The following CALN1 variants were observed in gnomAD, a reference collection of about 807,000 sequenced individuals.
CALN1 encodes the protein calneuron 1.
In CALN1, 17 loss-of-function variants were observed where a neutral mutation model predicts 30.6. The ratio of observed to expected loss-of-function variants is 0.56; its 90% CI spans 0.38 to 0.83. The LOEUF (loss-of-function observed/expected upper bound fraction) is 0.83. Among genes scored for constraint, CALN1 ranks in the 40% least tolerant of loss-of-function variants. CALN1 has a pLI of 0.00. For missense variants in CALN1, 291 were observed against 354.9 expected, an observed-to-expected ratio of 0.82 and a Z score of 1.45; for synonymous variants, 156 against 131.4, an observed-to-expected ratio of 1.19 and a Z score of -1.28.
At chr7:72,323,399 G>C (rs1437069845) in intron 2 of CALN1, among the ~76,000 whole-genome samples, 1 of 152,194 alleles carries the variant, frequency 6.6e-6, no homozygotes, top group African/African-American at 2.4e-5. Flanking sequence ...TATAGCAGTG[G>C]TGGCTGCAGC....
chr7:72,155,308 C>G (rs777530253), intron 3 of CALN1, among the ~76,000 whole-genome samples: 4 of 151,760 alleles, frequency 2.6e-5, no homozygotes, highest in African/African-American at 9.7e-5. Flanking sequence ...CTGGCTAACA[C>G]GGTGAAATCC....
intron 2 of CALN1, among the ~76,000 whole-genome samples, chr7:72,292,701 A>C (rs1212185222): frequency 6.6e-6 from 1 of 150,766 alleles, no homozygotes; most frequent in East Asian, 2.0e-4. Flanking sequence ...CATGCTTGTA[A>C]TCCCAGCTAC....
chr7:72,145,843 G>A (rs1786671133), intron 3 of CALN1, among the ~76,000 whole-genome samples: 1 of 152,164 alleles, frequency 6.6e-6, no homozygotes, highest in African/African-American at 2.4e-5. Context: ...ATGTAATCCA[G>A]CATATAAACA....
upstream of CALN1, chr7:72,412,362 T>C (rs1199935895): frequency 2.0e-5 from 3 of 152,164 alleles, no homozygotes; most frequent in East Asian, 5.8e-4. Flanking sequence ...GGGAGCCAGC[T>C]TTTATTCTCT....
chr7:71,849,926 C>T (rs1790540897), intron 5 of CALN1, among the ~76,000 whole-genome samples: 1 of 152,176 alleles, frequency 6.6e-6, no homozygotes, highest in Non-Finnish European at 1.5e-5. Flanking sequence ...AGCCATCGCA[C>T]TCAACCCGTA....
chr7:72,479,552 A>ATTTTTTTT, the CALN1 span, among the ~76,000 whole-genome samples: 9 of 130,764 alleles, frequency 6.9e-5, no homozygotes, highest in African/African-American at 1.4e-4. Context: ...TTATAGCACA[A>ATTTTTTTT]TTTTTTTTTT....
intron 3 of CALN1, among the ~76,000 whole-genome samples, chr7:72,151,021 C>G (rs917242936): frequency 6.6e-6 from 1 of 152,108 alleles, no homozygotes; most frequent in African/African-American, 2.4e-5. Context: ...ACACTGCCTT[C>G]CCGTCCTTGC....
At chr7:72,425,839 G>A (rs778342811) in intron 1 of CALN1, among the ~76,000 whole-genome samples, 9 of 152,272 alleles carry the variant, frequency 5.9e-5, no homozygotes, top group South Asian at 2.1e-4. Context: ...AGAGTCCCAC[G>A]TCTAAGCTGC....
At chr7:72,417,584 GTGTTTGAA>G (rs1807462905) in intron 1 of CALN1, among the ~76,000 whole-genome samples, 1 of 152,190 alleles carries the variant, frequency 6.6e-6, no homozygotes, top group Non-Finnish European at 1.5e-5. Flanking sequence ...CATGCATTGT[GTGTTTGAA>G]TGTATTCATT....
intron 5 of CALN1, among the ~76,000 whole-genome samples, chr7:71,871,082 C>T (rs1047318375): frequency 1.3e-5 from 2 of 152,024 alleles, no homozygotes; most frequent in African/African-American, 2.4e-5. Context: ...AGCAAAATTG[C>T]AGGGAGGCAG....
At chr7:71,943,551 G>A (rs575762084) in intron 5 of CALN1, among the ~76,000 whole-genome samples, 19 of 147,604 alleles carry the variant, frequency 1.3e-4, no homozygotes, top group African/African-American at 4.4e-4. Context: ...AGTCATTCTC[G>A]TGCCTCAGCC....
chr7:71,843,521 G>C (rs914483464), intron 5 of CALN1, among the ~76,000 whole-genome samples: 2 of 152,236 alleles, frequency 1.3e-5, no homozygotes, highest in South Asian at 4.1e-4. Flanking sequence ...TACTTGAAAG[G>C]CTGCAGCAGG....
chr7:72,181,555 T>C (rs2129546153), intron 3 of CALN1, among the ~76,000 whole-genome samples: 1 of 151,910 alleles, frequency 6.6e-6, no homozygotes, highest in Admixed American at 6.6e-5. Flanking sequence ...CTCGGCTCAT[T>C]GCAACCTTCA....
intron 5 of CALN1, among the ~76,000 whole-genome samples, chr7:71,995,260 G>A (rs1005870185): frequency 7.2e-5 from 11 of 152,200 alleles, no homozygotes; most frequent in Admixed American, 2.0e-4. Flanking sequence ...CAGAGCCTCC[G>A]TGCTGAACGC....
At chr7:71,984,427 C>A (rs1228392069) in intron 5 of CALN1, among the ~76,000 whole-genome samples, 1 of 152,196 alleles carries the variant, frequency 6.6e-6, no homozygotes, top group Admixed American at 6.5e-5. Context: ...TATCATCCTT[C>A]AAAGTCACAA....
intron 5 of CALN1, among the ~76,000 whole-genome samples, chr7:71,873,303 C>A (rs988786678): frequency 1.3e-5 from 2 of 152,030 alleles, no homozygotes; most frequent in Non-Finnish European, 2.9e-5. Flanking sequence ...CCACCACGCC[C>A]AGCCGAAAAT....
intron 2 of CALN1, among the ~76,000 whole-genome samples, chr7:72,396,252 A>G (rs372539425): frequency 1.4e-4 from 8 of 57,540 alleles, no homozygotes; most frequent in African/African-American, 6.9e-4. Flanking sequence ...AAAAAAAAAA[A>G]AAAAAGAAAG....
Position 72,411,884 on chromosome 7 carries a change from ACT to A in CALN1, c.-74+172_-74+173del, listed in dbSNP as rs112407148. On this transcript the variant is annotated intron_variant, in intron 1 of 6. Transcript: ENST00000395275. ...GGATAACCAAATAGTTGATGAAGCA[ACT>A]CTCTTTTAGAGAGGTATCATAAACC... is the stretch of plus-strand genomic sequence containing the variant. 5.4e-3 allele frequency among the ~76,000 whole-genome samples: 825 copies of A among 152,270 alleles called. 7 individuals are homozygous for A. Among genetic ancestry groups the A allele is most frequent in the African/African-American group, 0.017 (704 of 41,546 alleles).
At chr7:71,800,348 TG>T (rs532378439) in intron 6 of CALN1, among the ~76,000 whole-genome samples, 49 of 152,300 alleles carry the variant, frequency 3.2e-4, no homozygotes, top group African/African-American at 1.1e-3. Context: ...GGGGGCTTCC[TG>T]GGGCTGCCTG....
Sources: gnomAD v4.1 joint callset for allele counts (sites outside exome capture counted in the v4.1 genomes callset) on GRCh38, gnomAD v4.1.1 for gene constraint, MANE v1.5 for transcripts, NCBI Gene and HGNC (gene_info 2026-07-23, HGNC 2026-07-21) for gene names.